LUZP2: variants seen among roughly 807,000 people sequenced by gnomAD.
LUZP2 encodes leucine zipper protein 2.
In LUZP2, 52 loss-of-function variants were observed where a neutral mutation model predicts 51.6. The ratio of observed to expected loss-of-function variants is 1.01; its 90% confidence interval spans 0.81 to 1.27. The LOEUF (loss-of-function observed/expected upper bound fraction) is 1.27, where lower values mean the gene tolerates loss of function less well. Among genes scored for constraint, LUZP2 ranks in the 50% most tolerant of loss-of-function variants. The probability of loss-of-function intolerance (pLI) is 0.00; values close to 1 mark genes in which losing one functional copy is unlikely to be tolerated. For synonymous variants in LUZP2, 154 were observed against 137.3 expected, an observed-to-expected ratio of 1.12 and a Z score of -0.85; for missense variants, 436 against 395.4, an observed-to-expected ratio of 1.10 and a Z score of -0.87.
At chr11:24,891,608 G>A (rs1161235803) in intron 5 of LUZP2, 17 of 783,546 alleles carry the variant, frequency 2.2e-5, no homozygotes, top group Admixed American at 6.3e-5. Context: ...TAAAGGTGAC[G>A]GGCTTCCCTC....
intron 1 of LUZP2, among the ~76,000 whole-genome samples, chr11:24,557,356 A>C (rs1193556994): frequency 6.6e-6 from 1 of 152,196 alleles, no homozygotes; most frequent in Non-Finnish European, 1.5e-5. Context: ...ATCCTATTTA[A>C]GACCAGTGAC....
chr11:25,050,835 A>G (rs1284554437), intron 10 of LUZP2, among the ~76,000 whole-genome samples: 1 of 152,200 alleles, frequency 6.6e-6, no homozygotes, highest in Non-Finnish European at 1.5e-5. Flanking sequence ...CACTCAGCAT[A>G]CAGAGACATC....
intron 9 of LUZP2, among the ~76,000 whole-genome samples, chr11:25,021,161 A>G (rs1402768814): frequency 2.0e-5 from 3 of 152,098 alleles, no homozygotes; most frequent in African/African-American, 7.2e-5. Context: ...AACTAAACCA[A>G]TAAAAATAAA....
chr11:24,518,590 A>G (rs1474514574), intron 1 of LUZP2, among the ~76,000 whole-genome samples: 1 of 152,232 alleles, frequency 6.6e-6, no homozygotes, highest in Non-Finnish European at 1.5e-5. Flanking sequence ...TGTTAAGATG[A>G]TAACTGAAAT....
At chr11:24,677,788 A>G (rs6484066) in intron 1 of LUZP2, among the ~76,000 whole-genome samples, 80,283 of 151,918 alleles carry the variant, frequency 0.53, 21,918 homozygotes, top group African/African-American at 0.67. Context: ...GGTGGCTCGC[A>G]CCTGTAATCC....
intron 1 of LUZP2, among the ~76,000 whole-genome samples, chr11:24,579,482 A>G (rs2133818384): frequency 6.6e-6 from 1 of 152,220 alleles, no homozygotes; most frequent in South Asian, 2.1e-4. Context: ...CCACCTCTGC[A>G]CAATTGCAAA....
At chr11:24,784,357 G>GA (rs749392083) in intron 5 of LUZP2, among the ~76,000 whole-genome samples, 4 of 150,208 alleles carry the variant, frequency 2.7e-5, no homozygotes, top group East Asian at 2.0e-4. Flanking sequence ...ATGTTTTTTT[G>GA]AAAAAAAATG....
At chr11:24,781,508 G>A (rs1377052744) in intron 5 of LUZP2, among the ~76,000 whole-genome samples, 1 of 151,658 alleles carries the variant, frequency 6.6e-6, no homozygotes, top group Non-Finnish European at 1.5e-5. Flanking sequence ...TCTGAAAGTT[G>A]CAGAAGACAA....
chr11:24,575,647 G>A (rs551172893), intron 1 of LUZP2, among the ~76,000 whole-genome samples: 1 of 152,122 alleles, frequency 6.6e-6, no homozygotes, highest in African/African-American at 2.4e-5. Flanking sequence ...AGTCTTCAAT[G>A]AAGCACATTC....
At chr11:24,589,083 C>T (rs911759369) in intron 1 of LUZP2, among the ~76,000 whole-genome samples, 6 of 152,072 alleles carry the variant, frequency 3.9e-5, no homozygotes, top group Non-Finnish European at 7.3e-5. Context: ...TGAATTTATA[C>T]CCCCAGCAAT....
intron 5 of LUZP2, among the ~76,000 whole-genome samples, chr11:24,885,715 G>T (rs528502556): frequency 3.0e-4 from 46 of 152,078 alleles, no homozygotes; most frequent in Non-Finnish European, 5.3e-4. Flanking sequence ...TCGTGAAGCT[G>T]CAGGTAGTAT....
rs1283071029 is a variant in LUZP2, at chr11:24,663,242, G to A, written c.63-65927G>A. ...CATGGGGGCAAATTTTCCCCTTGAT[G>A]TTCTTGTGATAGTGAGTGAGTGCTC... is the stretch of plus-strand genomic sequence containing the variant. On this transcript the variant is annotated intron_variant, in intron 1 of 11. Coordinates refer to ENST00000336930, the MANE Select transcript of LUZP2 (RefSeq NM_001009909.4). 1.6e-4 allele frequency among the ~76,000 whole-genome samples: 25 copies of A among 151,992 alleles called. 1 individual carries two copies.
At chr11:24,715,334 T>C (rs1347489868) in intron 1 of LUZP2, among the ~76,000 whole-genome samples, 2 of 150,988 alleles carry the variant, frequency 1.3e-5, no homozygotes, top group African/African-American at 4.9e-5. Context: ...TATATCTTGG[T>C]CGGTGAAGAG....
At chr11:24,891,213 C>T (rs1187838018) in intron 5 of LUZP2, 1 of 984,788 alleles carries the variant, frequency 1.0e-6, no homozygotes, top group Non-Finnish European at 1.2e-6. Flanking sequence ...ATACCCTTGT[C>T]AACTTTGGTG....
At chr11:24,522,646 C>G (rs553409523) in intron 1 of LUZP2, among the ~76,000 whole-genome samples, 1 of 152,122 alleles carries the variant, frequency 6.6e-6, no homozygotes, top group East Asian at 1.9e-4. Context: ...ACCTTTAAAT[C>G]TTATTGCCAA....
intron 9 of LUZP2, among the ~76,000 whole-genome samples, chr11:25,036,624 A>C (rs1857872296): frequency 6.6e-6 from 1 of 152,038 alleles, no homozygotes; most frequent in Admixed American, 6.6e-5. Context: ...AACTTTCCTC[A>C]ACACTACTTT....
Position 24,970,770 on chromosome 11 carries a change from G to A in LUZP2, c.523-5821G>A, listed in dbSNP as rs555406794. Reference sequence around the variant, plus strand: ...CCTTTAGAATCTAGCTCTACTTAAGGTCCATTCTGAGAAAAAATAACAAGT... The same window carrying A: ...CCTTTAGAATCTAGCTCTACTTAAGATCCATTCTGAGAAAAAATAACAAGT... On this transcript the variant is annotated intron_variant, in intron 7 of 11. Transcript: ENST00000336930. 2.6e-5 allele frequency among the ~76,000 whole-genome samples: 4 copies of A among 152,156 alleles called. 1 individual carries two copies. In the South Asian group the frequency reaches 8.3e-4, roughly 32 times the overall value.
chr11:24,520,165 G>T (rs558994536), intron 1 of LUZP2, among the ~76,000 whole-genome samples: 1 of 152,190 alleles, frequency 6.6e-6, no homozygotes. Context: ...CCTTAAAAGG[G>T]GAAATCAGGT....
Position 24,738,236 on chromosome 11 carries a change from T to C in LUZP2, c.267T>C (p.Ser89=), listed in dbSNP as rs1859015203. The C allele has an allele frequency of 6.2e-7, 1 of 1,610,144 alleles. No individual in the cohort carries two copies. Among genetic ancestry groups the C allele is most frequent in the Non-Finnish European group, 8.5e-7 (1 of 1,177,336 alleles). ...ACTAAAATAGAGAAGAAATGAAGTC[T>C]CTTCAGGAGGCCCTGCAAAATCAGC... ...LGQKQREEMK[S]LQEALQNQLK... is the part of the protein sequence containing the mutation. The change falls in exon 4 of 12, where the codon TCT becomes TCC. Residue 89 remains serine (S), a synonymous_variant. Coordinates refer to ENST00000336930, the MANE Select transcript of LUZP2 (RefSeq NM_001009909.4).
Sources: gnomAD v4.1 joint callset for allele counts (sites outside exome capture counted in the v4.1 genomes callset) on GRCh38, gnomAD v4.1.1 for gene constraint, MANE v1.5 for transcripts, NCBI Gene and HGNC (gene_info 2026-07-23, HGNC 2026-07-21) for gene names.